The following DENND1A variants were observed in gnomAD, a reference collection of about 807,000 sequenced individuals.
DENND1A encodes the protein DENN domain containing 1A, also known as DENN domain-containing protein 1A.
In DENND1A, 51 loss-of-function variants were observed where a neutral mutation model predicts 113.7. That is an observed-to-expected ratio of 0.45 (90% CI 0.36 to 0.57). The LOEUF is 0.57. Ranked by LOEUF, DENND1A falls within the 20% of genes least tolerant of loss-of-function variation. The pLI, the probability that DENND1A is intolerant of heterozygous loss-of-function variation, is 0.00. For synonymous variants in DENND1A, 565 were observed against 570.8 expected, an observed-to-expected ratio of 0.99 and a Z score of 0.14; for missense variants, 1,258 against 1,395.9, an observed-to-expected ratio of 0.90 and a Z score of 1.57.
chr9:123,746,860 A>C (rs2069555259), intron 5 of DENND1A, among the ~76,000 whole-genome samples: 1 of 152,170 alleles, frequency 6.6e-6, no homozygotes, highest in African/African-American at 2.4e-5. Flanking sequence ...AATATTGGCT[A>C]TATTTTTCAT....
At chr9:123,603,643 G>A (rs1317235398) in intron 11 of DENND1A, among the ~76,000 whole-genome samples, 1 of 152,148 alleles carries the variant, frequency 6.6e-6, no homozygotes, top group African/African-American at 2.4e-5. Flanking sequence ...ACTGGTCCCT[G>A]GGTCTCACTC....
At chr9:123,839,558 A>C (rs1225215637) in intron 2 of DENND1A, among the ~76,000 whole-genome samples, 1 of 152,218 alleles carries the variant, frequency 6.6e-6, no homozygotes. Flanking sequence ...CACTTATCCA[A>C]TAATTGTTAA....
intron 1 of DENND1A, among the ~76,000 whole-genome samples, 168 bp from the exon 2 acceptor site, chr9:123,879,189 A>C (rs1398431063): frequency 6.6e-6 from 1 of 152,138 alleles, no homozygotes; most frequent in African/African-American, 2.4e-5. Flanking sequence ...GCCTTCCTAA[A>C]CTACAAAATG....
At chr9:123,929,542 G>A (rs1857652668) in intron 1 of DENND1A, among the ~76,000 whole-genome samples, 1 of 152,148 alleles carries the variant, frequency 6.6e-6, no homozygotes, top group African/African-American at 2.4e-5. Context: ...CCCAAACATG[G>A]GGAGGTGCTT....
In DENND1A at chr9:123,594,292, C is replaced by T. The variant is rs1485441117; in HGVS notation, c.766-11022G>A. Among the ~76,000 whole-genome samples, 7 of 152,286 alleles carry T rather than the reference C, an allele frequency of 4.6e-5. No individual in the cohort carries two copies. The East Asian group carries it at 9.6e-4, about 21-fold the overall frequency. On this transcript the variant is annotated intron_variant, in intron 11 of 23. Transcript: ENST00000394215. ...GACACACACAACAACAAAATTACAG[C>T]CACTAGCTGTTGTGTTTCTCCCACA...
intron 13 of DENND1A, among the ~76,000 whole-genome samples, chr9:123,494,041 C>T (rs962204793): frequency 1.3e-5 from 2 of 152,084 alleles, no homozygotes; most frequent in African/African-American, 2.4e-5. Flanking sequence ...AGCCAGAGGC[C>T]CCCCACATTT....
intron 5 of DENND1A, among the ~76,000 whole-genome samples, chr9:123,713,925 T>C (rs75304159): frequency 0.1 from 15,839 of 152,112 alleles, 900 homozygotes; most frequent in Admixed American, 0.12. Flanking sequence ...CCACTATACC[T>C]TTACATATGG....
chr9:123,483,647 GT>G (rs1401441208), intron 13 of DENND1A, among the ~76,000 whole-genome samples: 1 of 152,226 alleles, frequency 6.6e-6, no homozygotes, highest in Non-Finnish European at 1.5e-5. Flanking sequence ...GAGGGACAGT[GT>G]GTCCTGGGGT....
intron 7 of DENND1A, 79 bp downstream of exon 7, chr9:123,671,212 A>G (rs1009489288): frequency 1.3e-6 from 2 of 1,551,670 alleles, no homozygotes. Context: ...GACAAAATAC[A>G]ATCCTGTTCA....
chr9:123,530,553 C>T (rs1220247991), intron 13 of DENND1A, among the ~76,000 whole-genome samples: 4 of 152,132 alleles, frequency 2.6e-5, no homozygotes, highest in Non-Finnish European at 5.9e-5. Context: ...AAAGTAAACT[C>T]ATGGGAAAAT....
rs1174832599 is a variant in DENND1A at position 123,867,864 on chromosome 9, A to T, written c.88+11087T>A. ...ACTATGGCTCAAGATACTGTAAGAC[A>T]CTCTTTTTCTATTTGGGTGTTAAAC... On this transcript the variant is annotated intron_variant, in intron 2 of 23. Transcript: ENST00000394215. Among the ~76,000 whole-genome samples, 4 of 152,084 alleles carry T rather than the reference A, an allele frequency of 2.6e-5. No individual in the cohort carries two copies. In the East Asian group the frequency reaches 7.7e-4, roughly 29 times the overall value.
chr9:123,740,895 A>G lies in DENND1A; in HGVS notation c.302+16808T>C, dbSNP rs188887968. Among the ~76,000 whole-genome samples, 4 of 125,808 alleles carry G rather than the reference A, an allele frequency of 3.2e-5. No homozygotes were observed. The East Asian group carries it at 9.2e-4, about 29-fold the overall frequency. The allele number at this position is 125,808 out of a possible 152,430, so 82.5% of individuals were successfully genotyped here. On this transcript the variant is annotated intron_variant, in intron 5 of 23. Transcript: ENST00000394215. ...GGTAAAGAAAGATGCTGAGGAAGGG[A>G]AAGTGAGAGAGAGAGAGAGAGAGAG...
intron 5 of DENND1A, among the ~76,000 whole-genome samples, chr9:123,720,878 C>A (rs914404874): frequency 5.3e-5 from 8 of 152,202 alleles, no homozygotes; most frequent in Non-Finnish European, 1.0e-4. Context: ...CCAGTCTTTA[C>A]CTAAAAGAAA....
At chr9:123,925,639 T>C (rs1413051281) in intron 1 of DENND1A, among the ~76,000 whole-genome samples, 1 of 152,226 alleles carries the variant, frequency 6.6e-6, no homozygotes, top group Admixed American at 6.5e-5. Context: ...TGCCACTAAT[T>C]ATGATAATAA....
At chr9:123,927,646 C>G (rs1857337638) in intron 1 of DENND1A, among the ~76,000 whole-genome samples, 2 of 152,166 alleles carry the variant, frequency 1.3e-5, no homozygotes, top group Admixed American at 6.5e-5. Flanking sequence ...TTAAAAAGAG[C>G]TGGAATTTGA....
At chr9:123,716,832 C>A (rs559895720) in intron 5 of DENND1A, among the ~76,000 whole-genome samples, 2 of 152,124 alleles carry the variant, frequency 1.3e-5, no homozygotes, top group South Asian at 2.1e-4. Flanking sequence ...ACATGCTTGA[C>A]GGGGCAGAGG....
chr9:123,603,110 A>G (rs767995261), intron 11 of DENND1A, among the ~76,000 whole-genome samples: 2 of 152,236 alleles, frequency 1.3e-5, no homozygotes, highest in Non-Finnish European at 2.9e-5. Context: ...AAATGGTACA[A>G]TGGTAAACAA....
intron 2 of DENND1A, among the ~76,000 whole-genome samples, chr9:123,839,164 T>A (rs915952996): frequency 1.3e-5 from 2 of 152,108 alleles, no homozygotes; most frequent in African/African-American, 4.8e-5. Flanking sequence ...ATAGACCACT[T>A]TGAACCATTA....
intron 13 of DENND1A, among the ~76,000 whole-genome samples, chr9:123,547,679 A>G (rs2056791030): frequency 6.6e-6 from 1 of 152,230 alleles, no homozygotes; most frequent in Non-Finnish European, 1.5e-5. Flanking sequence ...TAAATATGTG[A>G]TTTATTTCAA....
Sources: allele counts gnomAD v4.1 joint callset (sites outside exome capture counted in the v4.1 genomes callset), GRCh38; gene constraint gnomAD v4.1.1; transcripts MANE v1.5; gene names NCBI Gene and HGNC (gene_info 2026-07-23, HGNC 2026-07-21).